SSBP3: variants seen among roughly 807,000 people sequenced by gnomAD.
The protein encoded by SSBP3 is single stranded DNA binding protein 3.
A neutral mutation model predicts 69.6 loss-of-function variants in SSBP3; 5 were observed. That is an observed-to-expected ratio of 0.07 (90% CI 0.04 to 0.15). The LOEUF is 0.15. Among genes scored for constraint, SSBP3 ranks in the 10% least tolerant of loss-of-function variants. SSBP3 has a pLI of 1.00. For missense variants in SSBP3, 312 were observed against 534.0 expected (o/e 0.58, Z 4.10); for synonymous variants, 196 against 193.4 (o/e 1.01, Z -0.11).
chr1:54,403,042 T>C (rs1250355914), intron 3 of SSBP3, among the ~76,000 whole-genome samples: 1 of 152,112 alleles, frequency 6.6e-6, no homozygotes, highest in Non-Finnish European at 1.5e-5. Context: ...AGCCTGCCCC[T>C]CACCAGACAA....
At chr1:54,245,697 G>C (rs1205063829) in intron 9 of SSBP3, among the ~76,000 whole-genome samples, 1 of 152,226 alleles carries the variant, frequency 6.6e-6, no homozygotes, top group Non-Finnish European at 1.5e-5. Flanking sequence ...GGCTGCTCAG[G>C]GCATGGGCTT....
intron 4 of SSBP3, among the ~76,000 whole-genome samples, chr1:54,342,270 A>G (rs1464441787): frequency 2.0e-5 from 3 of 152,156 alleles, no homozygotes; most frequent in Non-Finnish European, 4.4e-5. Context: ...TCCTGCCCCC[A>G]CGCCCACTTG....
At chr1:54,325,139 G>A (rs944648851) in intron 4 of SSBP3, among the ~76,000 whole-genome samples, 8 of 152,128 alleles carry the variant, frequency 5.3e-5, no homozygotes, top group Admixed American at 2.6e-4. Flanking sequence ...TTTTATAAAC[G>A]GAAAAATGGA....
chr1:54,272,478 A>C, intron 5 of SSBP3, among the ~76,000 whole-genome samples: 1 of 141,084 alleles, frequency 7.1e-6, no homozygotes, highest in East Asian at 2.0e-4. Context: ...AAGGAATTTG[A>C]CCTTTTTTTT....
intron 4 of SSBP3, among the ~76,000 whole-genome samples, chr1:54,355,112 C>T (rs979508971): frequency 5.9e-5 from 9 of 152,344 alleles, no homozygotes; most frequent in Admixed American, 3.9e-4. Flanking sequence ...GCCAGGACAA[C>T]GGTGTGACCT....
intron 4 of SSBP3, among the ~76,000 whole-genome samples, chr1:54,333,938 T>G (rs1557540846): frequency 6.6e-6 from 1 of 152,096 alleles, no homozygotes; most frequent in Non-Finnish European, 1.5e-5. Flanking sequence ...GGTGATGTGT[T>G]GTCTGCTACT....
At position 54,316,627 on chromosome 1, in the gene SSBP3, G is replaced by A. The variant is rs1229420805; in HGVS notation, c.277-35100C>T. ...CTGCAGTCCGCAGTCCCACCTGGGC[G>A]ACAGAGCGAGACTCCGTCTCAAAAA... On this transcript the variant is annotated intron_variant, in intron 4 of 17. Transcript: ENST00000610401. Among the ~76,000 whole-genome samples the A allele has an allele frequency of 1.4e-3, 180 of 127,470 alleles. 3 individuals are homozygous for A. Among genetic ancestry groups the A allele is most frequent in the Non-Finnish European group, 2.4e-3 (157 of 64,410 alleles). 83.6% of individuals were successfully genotyped at this position (127,470 alleles called of 152,430 possible). A position where few individuals can be genotyped will look rare whatever the true frequency, so the allele number is the denominator to read the frequency against.
At chr1:54,378,290 C>A (rs959390995) in intron 4 of SSBP3, among the ~76,000 whole-genome samples, 7 of 152,234 alleles carry the variant, frequency 4.6e-5, no homozygotes, top group African/African-American at 7.2e-5. Context: ...TATCGCTAAT[C>A]CTTGCTTAAA....
In SSBP3 at chr1:54,398,301, T is replaced by C. The variant is rs146549168; in HGVS notation, c.276+3560A>G. ...ATGTTATAAAAAAGTACAGCAGGTA[T>C]GTGTAGTGTAAGAATCCATTGCTAT... is the stretch of plus-strand genomic sequence containing the variant. On this transcript the variant is annotated intron_variant, in intron 4 of 17. Transcript: ENST00000610401. 2.1e-3 allele frequency among the ~76,000 whole-genome samples: 316 copies of C among 152,324 alleles called. 4 individuals are homozygous for C. The highest frequency in any genetic ancestry group is 6.8e-3 in the Middle Eastern group (2 of 294).
intron 14 of SSBP3, among the ~76,000 whole-genome samples, chr1:54,233,452 G>A (rs1466099494): frequency 2.3e-4 from 35 of 151,456 alleles, no homozygotes; most frequent in African/African-American, 6.1e-4. Context: ...AGTGAGGAGC[G>A]TCTCCGGCTG....
At chr1:54,360,349 T>C (rs751662075) in intron 4 of SSBP3, among the ~76,000 whole-genome samples, 6 of 152,244 alleles carry the variant, frequency 3.9e-5, no homozygotes, top group Non-Finnish European at 8.8e-5. Flanking sequence ...TGCTTTATCA[T>C]GTGTTCTAAT....
chr1:54,332,085 C>A (rs1477594716), intron 4 of SSBP3, among the ~76,000 whole-genome samples: 1 of 152,208 alleles, frequency 6.6e-6, no homozygotes, highest in Non-Finnish European at 1.5e-5. Context: ...AGGACTTGCC[C>A]AAGGTCGCAC....
chr1:54,238,386 G>C, intron 14 of SSBP3: 1 of 465,160 alleles, frequency 2.1e-6, no homozygotes, highest in South Asian at 1.6e-5. Context: ...GGAGGGGCAA[G>C]GCTGAACAGG....
chr1:54,276,678 C>T (rs902201429), intron 5 of SSBP3, among the ~76,000 whole-genome samples: 6 of 149,448 alleles, frequency 4.0e-5, no homozygotes, highest in Non-Finnish European at 7.4e-5. Flanking sequence ...CTCAAGTCCC[C>T]GTCTCCACGA....
chr1:54,352,663 A>C (rs567376886), intron 4 of SSBP3, among the ~76,000 whole-genome samples: 1 of 152,230 alleles, frequency 6.6e-6, no homozygotes, highest in Non-Finnish European at 1.5e-5. Flanking sequence ...AGCAGGAAGA[A>C]GCTGCGTCTT....
intron 10 of SSBP3, 168 bp downstream of exon 10, chr1:54,243,067 G>A: frequency 1.4e-6 from 1 of 703,784 alleles, no homozygotes; most frequent in East Asian, 2.5e-5. Flanking sequence ...ACTCTATGAG[G>A]CTGAGCTCTC....
chr1:54,300,028 C>T (rs1027811283), intron 4 of SSBP3, among the ~76,000 whole-genome samples: 6 of 152,120 alleles, frequency 3.9e-5, no homozygotes, highest in African/African-American at 1.4e-4. Flanking sequence ...TCTCAGTCAC[C>T]AATACCAGAA....
intron 5 of SSBP3, among the ~76,000 whole-genome samples, chr1:54,260,203 T>C (rs79518402): frequency 0.014 from 2,062 of 152,114 alleles, 53 homozygotes; most frequent in South Asian, 0.1. Flanking sequence ...AAAAGAAATA[T>C]GAAAAGAACA....
chr1:54,381,089 A>T (rs927427619), intron 4 of SSBP3, among the ~76,000 whole-genome samples: 62 of 152,040 alleles, frequency 4.1e-4, no homozygotes, highest in Non-Finnish European at 8.1e-4. Context: ...CAATACTTTT[A>T]AAAAAGAGAG....
Sources: gnomAD v4.1 joint callset for allele counts (sites outside exome capture counted in the v4.1 genomes callset) on GRCh38, gnomAD v4.1.1 for gene constraint, MANE v1.5 for transcripts, NCBI Gene and HGNC (gene_info 2026-07-23, HGNC 2026-07-21) for gene names.